Variants in GRM8 observed in about 807,000 individuals in gnomAD.
The protein encoded by GRM8 is glutamate metabotropic receptor 8, also known as metabotropic glutamate receptor 8.
GRM8 carries 47 observed loss-of-function variants against 87.2 expected under a neutral mutation model. That is an observed-to-expected ratio of 0.54 (90% confidence interval 0.43 to 0.69). The LOEUF (loss-of-function observed/expected upper bound fraction) is 0.69, where lower values mean the gene tolerates loss of function less well. Among genes scored for constraint, GRM8 ranks in the 30% least tolerant of loss-of-function variants. The pLI, the probability that GRM8 is intolerant of heterozygous loss-of-function variation, is 0.00. For synonymous variants in GRM8, 396 were observed against 404.5 expected, an observed-to-expected ratio of 0.98 and a Z score of 0.25; for missense variants, 1,019 against 1,139.2, an observed-to-expected ratio of 0.89 and a Z score of 1.52.
At chr7:127,194,754 C>T (rs1026919063) in intron 2 of GRM8, among the ~76,000 whole-genome samples, 2 of 152,044 alleles carry the variant, frequency 1.3e-5, no homozygotes, top group South Asian at 2.1e-4. Context: ...TTTGGCAAGA[C>T]ATCAGAGAAA....
intron 8 of GRM8, among the ~76,000 whole-genome samples, chr7:126,583,225 G>T (rs1185494551): frequency 6.6e-6 from 1 of 151,824 alleles, no homozygotes; most frequent in Non-Finnish European, 1.5e-5. Context: ...GTGTGGTCAT[G>T]CGCGCCTGTA....
chr7:126,561,783 C>T (rs528469899), intron 8 of GRM8, among the ~76,000 whole-genome samples: 3 of 110,254 alleles, frequency 2.7e-5, no homozygotes, highest in African/African-American at 1.0e-4. Flanking sequence ...CCCCTCCCCC[C>T]ACCCCACAAC....
intron 7 of GRM8, among the ~76,000 whole-genome samples, chr7:126,740,957 C>T (rs1814900652): frequency 6.6e-6 from 1 of 152,010 alleles, no homozygotes; most frequent in Non-Finnish European, 1.5e-5. Context: ...ACTGATATTA[C>T]TATGAAAATG....
At chr7:126,743,944 T>C (rs1335903017) in intron 7 of GRM8, among the ~76,000 whole-genome samples, 1 of 152,068 alleles carries the variant, frequency 6.6e-6, no homozygotes, top group Non-Finnish European at 1.5e-5. Flanking sequence ...GTAAAATCAC[T>C]GATATTTTAC....
chr7:127,174,010 G>A (rs1483701606), intron 2 of GRM8, among the ~76,000 whole-genome samples: 1 of 151,976 alleles, frequency 6.6e-6, no homozygotes, highest in African/African-American at 2.4e-5. Context: ...GCCCTTAACC[G>A]ACAATTAAGC....
At chr7:126,444,711 C>A (rs911471287) in intron 10 of GRM8, among the ~76,000 whole-genome samples, 1 of 151,888 alleles carries the variant, frequency 6.6e-6, no homozygotes, top group Non-Finnish European at 1.5e-5. Context: ...GGAATGTAGA[C>A]CATAAGTTGC....
rs566340916 is a variant in GRM8 at position 126,650,393 on chromosome 7, C to T, written c.1358-40895G>A. 3.9e-5 allele frequency among the ~76,000 whole-genome samples: 6 copies of T among 152,240 alleles called. 1 individual carries two copies. Among genetic ancestry groups the T allele is most frequent in the African/African-American group, 1.4e-4 (6 of 41,548 alleles). ...TTCACAGATGGTTCTGCACAATATG[C>T]AGGCACCACCCAAAAGAGGACAGCT... On this transcript the variant is annotated intron_variant, in intron 7 of 10. Coordinates refer to ENST00000339582, the MANE Select transcript of GRM8 (RefSeq NM_000845.3).
At chr7:127,022,159 T>C (rs1816332697) in intron 3 of GRM8, among the ~76,000 whole-genome samples, 1 of 151,284 alleles carries the variant, frequency 6.6e-6, no homozygotes, top group Admixed American at 6.6e-5. Context: ...TCCTTTGAAC[T>C]GATAATGTTT....
At chr7:126,964,573 G>A (rs1468810006) in intron 3 of GRM8, among the ~76,000 whole-genome samples, 3 of 152,070 alleles carry the variant, frequency 2.0e-5, no homozygotes, top group African/African-American at 7.2e-5. Context: ...CATCATCACT[G>A]GTCATTAGAG....
In GRM8 at chr7:127,117,985, T is replaced by C. The variant is rs1303160248; in HGVS notation, c.511-11273A>G. The stretch of plus-strand genomic sequence containing the variant: ...AAAGAAGAATGTTGATAAGGACGTT[T>C]ATGCAAGTAAGTTTCCTGGCTGGCA... On this transcript the variant is annotated intron_variant, in intron 2 of 10. Coordinates refer to ENST00000339582, the MANE Select transcript of GRM8 (RefSeq NM_000845.3). Among the ~76,000 whole-genome samples, 3 of 152,270 alleles carry C rather than the reference T, an allele frequency of 2.0e-5. No individual in the cohort carries two copies. In the East Asian group the frequency reaches 5.8e-4, roughly 29 times the overall value.
intron 8 of GRM8, among the ~76,000 whole-genome samples, chr7:126,541,117 A>G (rs1816485789): frequency 6.6e-6 from 1 of 152,132 alleles, no homozygotes; most frequent in Non-Finnish European, 1.5e-5. Flanking sequence ...AGATGGGGAG[A>G]GAAAAAAACA....
At chr7:126,693,856 T>A (rs1809083184) in intron 7 of GRM8, among the ~76,000 whole-genome samples, 1 of 152,110 alleles carries the variant, frequency 6.6e-6, no homozygotes, top group Admixed American at 6.5e-5. Context: ...ATGAAAAATA[T>A]GTCTCAAGTT....
chr7:126,647,591 C>G (rs62477916), intron 7 of GRM8, among the ~76,000 whole-genome samples: 1 of 151,890 alleles, frequency 6.6e-6, no homozygotes, highest in East Asian at 2.0e-4. Context: ...TATCAAGCTC[C>G]CTCTCCTCCA....
intron 3 of GRM8, among the ~76,000 whole-genome samples, chr7:127,068,492 G>A (rs1460606937): frequency 2.0e-5 from 3 of 152,130 alleles, no homozygotes; most frequent in African/African-American, 7.2e-5. Flanking sequence ...GACAGTCCTA[G>A]ACAAACCAGG....
intron 6 of GRM8, 30 bp downstream of exon 6, chr7:126,902,512 A>G (rs1802195513): frequency 6.7e-7 from 1 of 1,499,648 alleles, no homozygotes; most frequent in Non-Finnish European, 9.0e-7. Flanking sequence ...AATGAAATAA[A>G]TGCACCACAG....
At chr7:126,826,690 T>C (rs1794837165) in intron 6 of GRM8, among the ~76,000 whole-genome samples, 1 of 152,214 alleles carries the variant, frequency 6.6e-6, no homozygotes, top group Non-Finnish European at 1.5e-5. Flanking sequence ...GATGGTAGTT[T>C]CTTTTGCTGT....
At chr7:126,835,455 T>C (rs1203518102) in intron 6 of GRM8, among the ~76,000 whole-genome samples, 2 of 152,142 alleles carry the variant, frequency 1.3e-5, no homozygotes, top group South Asian at 4.1e-4. Context: ...TCAGGAAATA[T>C]AATAAAAATC....
At chr7:127,238,626 T>A (rs1798120494) in intron 2 of GRM8, among the ~76,000 whole-genome samples, 1 of 152,176 alleles carries the variant, frequency 6.6e-6, no homozygotes, top group Non-Finnish European at 1.5e-5. Context: ...TAGTAAAGCA[T>A]TCAGTATCCT....
At chr7:126,992,829 A>ATG (rs536291684) in intron 3 of GRM8, among the ~76,000 whole-genome samples, 2,083 of 137,684 alleles carry the variant, frequency 0.015, 29 homozygotes, top group African/African-American at 0.04. Context: ...GTGTGTGTGT[A>ATG]TGTGTGTGTG....
Sources: allele counts gnomAD v4.1 joint callset (sites outside exome capture counted in the v4.1 genomes callset), GRCh38; gene constraint gnomAD v4.1.1; transcripts MANE v1.5; gene names NCBI Gene and HGNC (gene_info 2026-07-23, HGNC 2026-07-21).